TTC7B: variants seen among roughly 807,000 people sequenced by gnomAD.
TTC7B encodes tetratricopeptide repeat protein 7B.
A neutral mutation model predicts 106.8 loss-of-function variants in TTC7B; 28 were observed. That is an observed-to-expected ratio of 0.26 (90% CI 0.19 to 0.36). TTC7B has a LOEUF of 0.36. Ranked by LOEUF, TTC7B falls within the 10% of genes least tolerant of loss-of-function variation. The pLI, the probability that TTC7B is intolerant of heterozygous loss-of-function variation, is 1.00. For missense variants in TTC7B, 862 were observed against 1,076.4 expected, an observed-to-expected ratio of 0.80 and a Z score of 2.79; for synonymous variants, 405 against 430.6, an observed-to-expected ratio of 0.94 and a Z score of 0.74.
chr14:90,799,761 T>G (rs2030131714), intron 1 of TTC7B, among the ~76,000 whole-genome samples: 1 of 152,090 alleles, frequency 6.6e-6, no homozygotes, highest in African/African-American at 2.4e-5. Context: ...GGTCTGGCAT[T>G]CATGTGAAGT....
chr14:90,619,584 G>A (rs1382656495), intron 15 of TTC7B, among the ~76,000 whole-genome samples: 2 of 152,206 alleles, frequency 1.3e-5, no homozygotes, highest in Non-Finnish European at 2.9e-5. Flanking sequence ...AAAAGAGAGG[G>A]AGGAGCTCCT....
intron 5 of TTC7B, among the ~76,000 whole-genome samples, chr14:90,715,997 A>C (rs1015589878): frequency 6.6e-6 from 1 of 152,224 alleles, no homozygotes. Flanking sequence ...GTTGTGTTAA[A>C]GAAAAAATTA....
At chr14:90,778,531 T>C (rs1891107705) in intron 3 of TTC7B, among the ~76,000 whole-genome samples, 1 of 152,196 alleles carries the variant, frequency 6.6e-6, no homozygotes, top group Non-Finnish European at 1.5e-5. Context: ...CCCAGGGCAG[T>C]TGGGCAGGTG....
At chr14:90,730,438 G>A (rs771715344) in intron 4 of TTC7B, among the ~76,000 whole-genome samples, 4 of 152,200 alleles carry the variant, frequency 2.6e-5, no homozygotes, top group African/African-American at 4.8e-5. Flanking sequence ...CTGAGGAGTC[G>A]GGGGTGCTGA....
chr14:90,694,279 T>C (rs1042352604), intron 6 of TTC7B, among the ~76,000 whole-genome samples: 3 of 152,064 alleles, frequency 2.0e-5, no homozygotes, highest in Non-Finnish European at 2.9e-5. Flanking sequence ...ATTCCAGTTA[T>C]AGCAAATGCC....
In TTC7B at chr14:90,744,914, A is replaced by G. The variant is rs1290098577; in HGVS notation, c.454T>C (p.Leu152=). 2.0e-5 allele frequency: 32 copies of G among 1,611,772 alleles called. No individual in the cohort carries two copies. The highest frequency in any genetic ancestry group is 2.2e-5 in the Non-Finnish European group (26 of 1,179,512). Residue 152 remains leucine (L), a synonymous_variant, in exon 4 of 20, where the codon TTG becomes CTG. Transcript: ENST00000328459. ...GAAGAAGAAATAGGCAGCTTCTCCAAACAAAGTCCTTAAAAAAATATCAGA... is the reference window on the plus strand; with the variant it reads ...GAAGAAGAAATAGGCAGCTTCTCCAGACAAAGTCCTTAAAAAAATATCAGA... The part of the protein sequence containing the change: ...AEAYATKGLC[L]EKLPISSSTS...
At chr14:90,639,514 C>T (rs1299745115) in intron 15 of TTC7B, among the ~76,000 whole-genome samples, 1 of 152,162 alleles carries the variant, frequency 6.6e-6, no homozygotes, top group African/African-American at 2.4e-5. Context: ...AACCATTCTG[C>T]CAAAAATATG....
At chr14:90,658,228 T>C (rs1010837795) in intron 10 of TTC7B, 76 bp downstream of exon 10, 1 of 1,256,170 alleles carries the variant, frequency 8.0e-7, no homozygotes, top group Non-Finnish European at 1.2e-6. Context: ...TATCATTCCG[T>C]GCAATTCCAT....
intron 7 of TTC7B, among the ~76,000 whole-genome samples, chr14:90,685,471 A>T (rs1703432912): frequency 6.6e-6 from 1 of 152,220 alleles, no homozygotes; most frequent in African/African-American, 2.4e-5. Context: ...CTAAAAACTG[A>T]TGGTGATAAA....
chr14:90,561,234 G>A (rs532410193), intron 19 of TTC7B, among the ~76,000 whole-genome samples: 1 of 152,356 alleles, frequency 6.6e-6, no homozygotes, highest in Non-Finnish European at 1.5e-5. Context: ...GAGGGGCTGG[G>A]CCGGCAGCTT....
intron 15 of TTC7B, among the ~76,000 whole-genome samples, chr14:90,643,294 G>A (rs1408147969): frequency 6.6e-6 from 1 of 151,976 alleles, no homozygotes; most frequent in Non-Finnish European, 1.5e-5. Flanking sequence ...TGTAGTCCCA[G>A]CTACTAGGGA....
chr14:90,555,600 G>T (rs1262324995), intron 19 of TTC7B, among the ~76,000 whole-genome samples: 13 of 152,354 alleles, frequency 8.5e-5, no homozygotes, highest in Admixed American at 3.3e-4. Flanking sequence ...GCGCCATTCT[G>T]CCGACTGTGT....
At chr14:90,797,359 A>G (rs148612718) in intron 1 of TTC7B, among the ~76,000 whole-genome samples, 2,785 of 148,066 alleles carry the variant, frequency 0.019, 69 homozygotes, top group Middle Eastern at 0.028. Flanking sequence ...TCGGGAGGCT[A>G]AGGCAGGAGA....
At chr14:90,783,157 C>A (rs935251681) in intron 2 of TTC7B, among the ~76,000 whole-genome samples, 1 of 152,224 alleles carries the variant, frequency 6.6e-6, no homozygotes, top group Non-Finnish European at 1.5e-5. Flanking sequence ...CAGGGGCCAC[C>A]TTGCTCACAA....
intron 17 of TTC7B, among the ~76,000 whole-genome samples, chr14:90,607,058 C>T (rs1276846824): frequency 6.6e-6 from 1 of 152,068 alleles, no homozygotes; most frequent in African/African-American, 2.4e-5. Flanking sequence ...AAGTGTGGGA[C>T]AGGAGAGAGA....
chr14:90,780,047 C>T (rs17127005), intron 3 of TTC7B, among the ~76,000 whole-genome samples: 41,679 of 152,050 alleles, frequency 0.27, 9,459 homozygotes, highest in African/African-American at 0.63. Context: ...ATTTTAATTA[C>T]CAAGAAAGGC....
chr14:90,549,108 A>G lies in TTC7B; in HGVS notation c.2311-7519T>C, dbSNP rs556433101. Among the ~76,000 whole-genome samples, 8 of 150,968 alleles carry G rather than the reference A, an allele frequency of 5.3e-5. No individual in the cohort carries two copies. In the South Asian group the frequency reaches 1.7e-3, roughly 32 times the overall value. On this transcript the variant is annotated intron_variant, in intron 19 of 19. Coordinates refer to ENST00000328459, the MANE Select transcript of TTC7B (RefSeq NM_001010854.2). Reference sequence around the variant, plus strand: ...ACACCACCGCACTACAGCCTGGGCAACAGAGCAAGACTCCGTCTCAAAAAA... The same window carrying G: ...ACACCACCGCACTACAGCCTGGGCAGCAGAGCAAGACTCCGTCTCAAAAAA...
chr14:90,713,966 G>A (rs1360860000), intron 5 of TTC7B, among the ~76,000 whole-genome samples: 1 of 152,178 alleles, frequency 6.6e-6, no homozygotes, highest in African/African-American at 2.4e-5. Flanking sequence ...GGTGGCTCAC[G>A]CCTGTAATCC....
chr14:90,680,921 TACC>T (rs747909601), intron 7 of TTC7B, among the ~76,000 whole-genome samples: 1 of 152,244 alleles, frequency 6.6e-6, no homozygotes, highest in East Asian at 1.9e-4. Flanking sequence ...TCTTACCTCT[TACC>T]TGCTAACTGG....
Sources: gnomAD v4.1 joint callset for allele counts (sites outside exome capture counted in the v4.1 genomes callset) on GRCh38, gnomAD v4.1.1 for gene constraint, MANE v1.5 for transcripts, NCBI Gene and HGNC (gene_info 2026-07-23, HGNC 2026-07-21) for gene names.